Variants in NHSL1 observed in about 807,000 individuals in gnomAD.
NHSL1 encodes NHS-like protein 1.
Under a neutral mutation model 95.0 loss-of-function variants are expected in NHSL1, and 48 were observed. The ratio of observed to expected loss-of-function variants is 0.51; its 90% confidence interval spans 0.40 to 0.64. NHSL1 has a LOEUF of 0.64. NHSL1 is among the 30% of genes least tolerant of loss of function. NHSL1 has a pLI of 0.00. For missense variants in NHSL1, 1,971 were observed against 2,077.7 expected (o/e 0.95, Z 1.00); for synonymous variants, 783 against 833.9 (o/e 0.94, Z 1.05).
At chr6:138,521,484 AC>A (rs1463045348) in intron 1 of NHSL1, among the ~76,000 whole-genome samples, 2 of 151,332 alleles carry the variant, frequency 1.3e-5, no homozygotes, top group Non-Finnish European at 2.9e-5. Context: ...CAAAACAGCT[AC>A]CCCCTGCCTC....
At position 138,424,048 on chromosome 6, in the gene NHSL1, C is replaced by G. The variant is rs769185942; in HGVS notation, c.*33G>C. ...TAGAGTGCTGCATTGCTCGTCTCCC[C>G]CCGTGTCACCTGGGAGAGTTACGTT... On this transcript the variant is annotated 3_prime_UTR_variant, in exon 8 of 8. Coordinates refer to ENST00000343505, the MANE Select transcript of NHSL1 (RefSeq NM_001144060.2). The surrounding 1 kb of genome is among the most constrained non-coding windows in gnomAD (Gnocchi z 5.9). The G allele has an allele frequency of 1.4e-5, 19 of 1,354,948 alleles. No homozygotes were observed. The highest frequency in any genetic ancestry group is 2.6e-4 in the Middle Eastern group (1 of 3,778). The allele number at this position is 1,354,948 out of a possible 1,614,324, so 83.9% of individuals were successfully genotyped here. A position where few individuals can be genotyped will look rare whatever the true frequency, so the allele number is the denominator to read the frequency against.
intron 4 of NHSL1, among the ~76,000 whole-genome samples, 199 bp from the exon 5 acceptor site, chr6:138,442,313 C>A (rs1362298765): frequency 1.3e-5 from 2 of 152,190 alleles, no homozygotes; most frequent in Admixed American, 1.3e-4. Context: ...GTTCCACCTT[C>A]CAAAGGAAGC....
chr6:138,658,627 G>A (rs1001246423), intron 1 of NHSL1, among the ~76,000 whole-genome samples: 6 of 152,118 alleles, frequency 3.9e-5, no homozygotes, highest in African/African-American at 1.4e-4. Flanking sequence ...TCTTGGTATT[G>A]CAAATAATGC....
At position 138,433,328 on chromosome 6, in the gene NHSL1, C is replaced by T. The variant is rs147171291; in HGVS notation, c.1017G>A (p.Pro339=). 31 of 1,551,960 alleles carry T rather than the reference C, an allele frequency of 2.0e-5. No individual in the cohort carries two copies. The East Asian group carries it at 2.4e-4, about 12-fold the overall frequency. Residue 339 remains proline (P), a synonymous_variant, in exon 6 of 8, where the codon CCG becomes CCA. Transcript: ENST00000343505. ...CTGCAGGGCCGAGGGCACCCAGCCTCGGCTCAAGGGACTGAATGTTTGCCC... is the reference window on the plus strand; with the variant it reads ...CTGCAGGGCCGAGGGCACCCAGCCTTGGCTCAAGGGACTGAATGTTTGCCC... ...GARANIQSLE[P]RLGALGPAGD...
chr6:138,667,698 G>A (rs1270885244), intron 1 of NHSL1, among the ~76,000 whole-genome samples: 2 of 152,190 alleles, frequency 1.3e-5, no homozygotes, highest in African/African-American at 4.8e-5. Context: ...AAGAATTTCA[G>A]ACTCTTTAAT....
At chr6:138,441,034 A>G (rs1348264234) in intron 5 of NHSL1, among the ~76,000 whole-genome samples, 1 of 152,268 alleles carries the variant, frequency 6.6e-6, no homozygotes, top group Non-Finnish European at 1.5e-5. Flanking sequence ...TGGTAGTACC[A>G]GGTACTAACC....
intron 1 of NHSL1, among the ~76,000 whole-genome samples, chr6:138,496,945 A>G (rs1219745074): frequency 1.3e-5 from 2 of 152,214 alleles, no homozygotes; most frequent in African/African-American, 4.8e-5. Context: ...GTGGAGACCC[A>G]TTTGTGTTAC....
chr6:138,651,048 C>T (rs62432538), intron 1 of NHSL1: 21,573 of 391,570 alleles, frequency 0.055, 765 homozygotes, highest in Non-Finnish European at 0.074. Context: ...TCTAAATTAC[C>T]TCGTATTTTG....
chr6:138,549,291 G>A (rs1334459850), upstream of NHSL1, among the ~76,000 whole-genome samples: 3 of 152,192 alleles, frequency 2.0e-5, no homozygotes, highest in African/African-American at 7.2e-5. Context: ...GCTGAGGCAG[G>A]AGAATTGCTT....
At chr6:138,455,900 T>C (rs181614327) in intron 3 of NHSL1, among the ~76,000 whole-genome samples, 27 of 152,348 alleles carry the variant, frequency 1.8e-4, no homozygotes, top group African/African-American at 5.3e-4. Flanking sequence ...ACGAGATGAT[T>C]GGGAGAGTGG....
chr6:138,510,638 T>C (rs956985093), intron 1 of NHSL1, among the ~76,000 whole-genome samples: 2 of 152,192 alleles, frequency 1.3e-5, no homozygotes, highest in African/African-American at 4.8e-5. Context: ...GATATTTGAA[T>C]TCACCTAGAA....
Position 138,499,265 on chromosome 6 carries a change from A to C in NHSL1, c.26T>G (p.Ile9Ser). Residue 9 changes from isoleucine to serine, a missense_variant, in exon 1 of 8, where the codon ATT becomes AGT. Coordinates refer to ENST00000343505, the MANE Select transcript of NHSL1 (RefSeq NM_001144060.2). MVVFINAK[I>S]KSLIKLFKKK... ...CTTAAAAAGTTTAATTAAAGACTTA[A>C]TCTTTGCATTAATGAAGACCACCAT... 4 of 1,550,722 alleles carry C rather than the reference A, an allele frequency of 2.6e-6. No individual in the cohort carries two copies. The highest frequency in any genetic ancestry group is 3.5e-6 in the Non-Finnish European group (4 of 1,146,262).
At chr6:138,637,187 T>C (rs1784899191) in intron 1 of NHSL1, among the ~76,000 whole-genome samples, 1 of 152,154 alleles carries the variant, frequency 6.6e-6, no homozygotes, top group African/African-American at 2.4e-5. Flanking sequence ...GAAAACTGGA[T>C]ATCCATAGGC....
At chr6:138,579,757 G>C (rs1784024628) in intron 1 of NHSL1, among the ~76,000 whole-genome samples, 1 of 152,180 alleles carries the variant, frequency 6.6e-6, no homozygotes, top group African/African-American at 2.4e-5. Flanking sequence ...GTTTTTCCTA[G>C]TAGATGTTTA....
intron 1 of NHSL1, among the ~76,000 whole-genome samples, chr6:138,641,254 A>G (rs1784955983): frequency 6.6e-6 from 1 of 152,206 alleles, no homozygotes; most frequent in Non-Finnish European, 1.5e-5. Context: ...ACATTCTCTA[A>G]TTTACAATTT....
intron 1 of NHSL1, among the ~76,000 whole-genome samples, chr6:138,585,036 G>C (rs1160629935): frequency 6.6e-6 from 1 of 152,058 alleles, no homozygotes; most frequent in African/African-American, 2.4e-5. Context: ...CAGACACCCG[G>C]GCCTTTATTT....
chr6:138,619,597 TGTACAAATA>T (rs765643326), intron 1 of NHSL1, among the ~76,000 whole-genome samples: 2 of 152,144 alleles, frequency 1.3e-5, no homozygotes, highest in South Asian at 2.1e-4. Flanking sequence ...GTTTGAGGAG[TGTACAAATA>T]GTACATTCTC....
At chr6:138,521,263 C>T (rs1308805400) in intron 1 of NHSL1, among the ~76,000 whole-genome samples, 5 of 152,124 alleles carry the variant, frequency 3.3e-5, no homozygotes, top group Non-Finnish European at 7.4e-5. Flanking sequence ...AGTTCAAGAC[C>T]AGCCTGGGCA....
chr6:138,477,459 C>T (rs1012635970), intron 2 of NHSL1, among the ~76,000 whole-genome samples: 3 of 151,968 alleles, frequency 2.0e-5, no homozygotes, highest in African/African-American at 4.8e-5. Flanking sequence ...TTTAATTAGC[C>T]GGGCATGGTG....
Sources: gnomAD v4.1 joint callset for allele counts (sites outside exome capture counted in the v4.1 genomes callset) on GRCh38, gnomAD v4.1.1 for gene constraint, Gnocchi (gnomAD v3.1) non-coding constraint, MANE v1.5 for transcripts, NCBI Gene and HGNC (gene_info 2026-07-23, HGNC 2026-07-21) for gene names.